The following SLC19A2 variants were observed in gnomAD, a reference collection of about 807,000 sequenced individuals.
SLC19A2 encodes thiamine transporter 1.
A neutral mutation model predicts 44.7 loss-of-function variants in SLC19A2; 27 were observed. The ratio of observed to expected loss-of-function variants is 0.60; its 90% CI spans 0.45 to 0.83. SLC19A2 has a LOEUF of 0.83. Among genes scored for constraint, SLC19A2 ranks in the 40% least tolerant of loss-of-function variants. SLC19A2 has a pLI of 0.00. For missense variants in SLC19A2, 566 were observed against 613.7 expected (o/e 0.92, Z 0.82); for synonymous variants, 239 against 243.6 (o/e 0.98, Z 0.18).
intron 5 of SLC19A2, among the ~76,000 whole-genome samples, chr1:169,467,357 G>T (rs1658016061): frequency 6.6e-6 from 1 of 152,176 alleles, no homozygotes; most frequent in Non-Finnish European, 1.5e-5. Flanking sequence ...TTGACACGTA[G>T]AGGCACTCAA....
rs902908738 is a variant in SLC19A2, at chr1:169,465,703, C to T, written c.*146G>A. On this transcript the variant is annotated 3_prime_UTR_variant, in exon 6 of 6. Coordinates refer to ENST00000236137, the MANE Select transcript of SLC19A2 (RefSeq NM_006996.3). ...CCTCTGAATAGTATCATGTTATTCCCGGAACACAAGGTATTAGTCAAGTGG... is the reference window on the plus strand; with the variant it reads ...CCTCTGAATAGTATCATGTTATTCCTGGAACACAAGGTATTAGTCAAGTGG... The T allele has an allele frequency of 2.5e-5, 20 of 814,920 alleles. No individual in the cohort carries two copies. The highest frequency in any genetic ancestry group is 5.8e-5 in the South Asian group (4 of 68,584). The allele number at this position is 814,920 out of a possible 1,614,324, so 50.5% of individuals were successfully genotyped here.
At chr1:169,478,374 G>A (rs1465836130) in intron 1 of SLC19A2, among the ~76,000 whole-genome samples, 1 of 147,666 alleles carries the variant, frequency 6.8e-6, no homozygotes, top group African/African-American at 2.5e-5. Flanking sequence ...GTTTTTTTGA[G>A]ACAGGGTCTC....
chr1:169,485,439 A>G (rs1250404729), intron 1 of SLC19A2, 124 bp downstream of exon 1: 7 of 1,116,486 alleles, frequency 6.3e-6, no homozygotes, highest in Non-Finnish European at 9.2e-6. Context: ...CCGACCTCCA[A>G]CTGGCAAAAT....
In SLC19A2 at chr1:169,469,936, C is replaced by T. The variant is rs17847482; in HGVS notation, c.1030+28G>A. 2.2e-4 allele frequency: 347 copies of T among 1,597,908 alleles called. No homozygotes were observed. The East Asian group carries it at 2.8e-3, about 13-fold the overall frequency. Reference sequence around the variant, plus strand: ...TACCAGAGGAATCCCTCCCCCACCACGACCCTCTATTATCCTGCATTGCTT... The same window carrying T: ...TACCAGAGGAATCCCTCCCCCACCATGACCCTCTATTATCCTGCATTGCTT... On this transcript the variant is annotated intron_variant, in intron 3 of 5. Transcript: ENST00000236137.
At chr1:169,476,580 T>C (rs773715106) in intron 2 of SLC19A2, among the ~76,000 whole-genome samples, 1 of 151,984 alleles carries the variant, frequency 6.6e-6, no homozygotes, top group Non-Finnish European at 1.5e-5. Context: ...TAGCTGGGCG[T>C]GGTGGCGAGC....
At chr1:169,466,597 T>C (rs891341756) in intron 5 of SLC19A2, among the ~76,000 whole-genome samples, 1 of 152,036 alleles carries the variant, frequency 6.6e-6, no homozygotes, top group African/African-American at 2.4e-5. Context: ...ACGTGTGCCA[T>C]GGTGGTTTGC....
chr1:169,474,927 C>T (rs979049548), intron 2 of SLC19A2, among the ~76,000 whole-genome samples: 10 of 151,880 alleles, frequency 6.6e-5, no homozygotes, highest in Non-Finnish European at 1.5e-4. Flanking sequence ...ATTGTTACCC[C>T]AGTTAAAAGA....
In SLC19A2 at chr1:169,478,213, A is replaced by G. The variant is rs938612729; in HGVS notation, c.205-456T>C. On this transcript the variant is annotated intron_variant, in intron 1 of 5. Coordinates refer to ENST00000236137, the MANE Select transcript of SLC19A2 (RefSeq NM_006996.3). ...CGCCCAGCCTGAAATATCCTTTCCT[A>G]TCCCCAATACCATCATCTTTTTCCT... is the stretch of plus-strand genomic sequence containing the variant. 2.6e-5 allele frequency among the ~76,000 whole-genome samples: 4 copies of G among 152,084 alleles called. 1 individual carries two copies. Among genetic ancestry groups the G allele is most frequent in the South Asian group, 4.1e-4 (2 of 4,826 alleles).
Position 169,465,786 on chromosome 1 carries a change from A to G in SLC19A2, c.*63T>C. The stretch of plus-strand genomic sequence containing the variant: ...ATATATGTCTACGCTTTAAAAAATC[A>G]AACACATCCAGGCAGTTGCTGTGCA... On this transcript the variant is annotated 3_prime_UTR_variant, in exon 6 of 6. Transcript: ENST00000236137. 1 of 1,583,928 alleles carries G rather than the reference A, an allele frequency of 6.3e-7. No individual in the cohort carries two copies. The highest frequency in any genetic ancestry group is 8.6e-7 in the Non-Finnish European group (1 of 1,157,218).
At position 169,465,021 on chromosome 1, in the gene SLC19A2, T is replaced by C. The variant is rs957084382; in HGVS notation, c.*828A>G. 2 of 152,224 alleles carry C rather than the reference T, an allele frequency of 1.3e-5. No homozygotes were observed. The highest frequency in any genetic ancestry group is 2.9e-5 in the Non-Finnish European group (2 of 68,032). 9.4% of individuals were successfully genotyped at this position (152,224 alleles called of 1,614,324 possible). The stretch of plus-strand genomic sequence containing the variant: ...ACATCTTTAGCCTATATATGAACTT[T>C]TAATCTTGGAATTAATAGTCCTTCA... On this transcript the variant is annotated 3_prime_UTR_variant, in exon 6 of 6. Coordinates refer to ENST00000236137, the MANE Select transcript of SLC19A2 (RefSeq NM_006996.3).
chr1:169,485,073 T>C (rs1436086993), intron 1 of SLC19A2, among the ~76,000 whole-genome samples: 2 of 152,186 alleles, frequency 1.3e-5, no homozygotes, highest in Admixed American at 1.3e-4. Context: ...GCCCACCCAT[T>C]CTGCCAAATG....
rs777760889 is a variant in SLC19A2 at position 169,477,530 on chromosome 1, A to G, written c.432T>C (p.Tyr144=). The G allele has an allele frequency of 1.9e-5, 31 of 1,614,082 alleles. No individual in the cohort carries two copies. The highest frequency in any genetic ancestry group is 2.6e-5 in the Non-Finnish European group (31 of 1,180,040). The change falls in exon 2 of 6, where the codon TAT becomes TAC. Residue 144 remains tyrosine, a synonymous_variant. Coordinates refer to ENST00000236137, the MANE Select transcript of SLC19A2 (RefSeq NM_006996.3). ...TGCCCAGGTCCACCACACTGTAGAT[A>G]TAAGAGTAATAGGCAATTTCAGTGG... is the stretch of plus-strand genomic sequence containing the variant. The part of the protein sequence containing the change: ...ATATEIAYYS[Y]IYSVVDLGMY...
Position 169,483,931 on chromosome 1 carries a change from G to T in SLC19A2, c.204+1632C>A, listed in dbSNP as rs537769499. On this transcript the variant is annotated intron_variant, in intron 1 of 5. Coordinates refer to ENST00000236137, the MANE Select transcript of SLC19A2 (RefSeq NM_006996.3). ...CAGAATCATACTTTCTCATATCAGT[G>T]CAGTAATTTTCTTGTAAAATCATTC... 2.6e-5 allele frequency among the ~76,000 whole-genome samples: 4 copies of T among 152,290 alleles called. No homozygotes were observed. The South Asian group carries it at 8.3e-4, about 32-fold the overall frequency.
In SLC19A2 at chr1:169,469,054, G is replaced by A. The variant is rs1156902311; in HGVS notation, c.1031-218C>T. The A allele has an allele frequency of 5.5e-6, 3 of 548,922 alleles. No individual in the cohort carries two copies. The African/African-American group carries it at 5.7e-5, about 10-fold the overall frequency. 34.0% of individuals were successfully genotyped at this position (548,922 alleles called of 1,614,324 possible). ...GATGACAGACTGAATTAGGAGAGGT[G>A]GCAATGAGATGAAAATGCAGGACAA... On this transcript the variant is annotated intron_variant, in intron 3 of 5. Coordinates refer to ENST00000236137, the MANE Select transcript of SLC19A2 (RefSeq NM_006996.3).
rs1436900449 is a variant in SLC19A2 at position 169,485,579 on chromosome 1, T to C, written c.188A>G (p.Asn63Ser). Residue 63 changes from asparagine to serine, a missense_variant, in exon 1 of 6, where the codon AAC becomes AGC. Transcript: ENST00000236137. ...LTPYLLGPDKNLTEREVFNEI... is the reference protein window; with the variant it reads ...LTPYLLGPDKSLTEREVFNEI... ...CGCGCGTACCTCCCTCTCGGTCAGG[T>C]TCTTGTCCGGCCCCAGCAGGTACGG... 1 of 1,586,720 alleles carries C rather than the reference T, an allele frequency of 6.3e-7. No individual in the cohort carries two copies. The highest frequency in any genetic ancestry group is 2.3e-5 in the East Asian group (1 of 43,136).
intron 2 of SLC19A2, among the ~76,000 whole-genome samples, chr1:169,471,890 A>AC (rs1447181454): frequency 1.3e-5 from 2 of 151,920 alleles, no homozygotes; most frequent in Middle Eastern, 3.4e-3. Flanking sequence ...TCCCAAAGCA[A>AC]CCCCAGTGTG....
chr1:169,470,268 T>A, intron 2 of SLC19A2, 82 bp from the exon 3 acceptor site: 1 of 1,144,280 alleles, frequency 8.7e-7, no homozygotes, highest in Non-Finnish European at 1.3e-6. Flanking sequence ...ATTACTTACC[T>A]AACAGACTTT....
intron 1 of SLC19A2, among the ~76,000 whole-genome samples, chr1:169,480,635 T>A (rs1318449240): frequency 6.6e-6 from 1 of 152,100 alleles, no homozygotes; most frequent in Admixed American, 6.6e-5. Flanking sequence ...GCCTCCTCTG[T>A]TTGACTAAGT....
chr1:169,468,861 A>T (rs745941881), intron 3 of SLC19A2, 25 bp from the exon 4 acceptor site: 77 of 1,606,796 alleles, frequency 4.8e-5, no homozygotes, highest in Non-Finnish European at 6.4e-5. Flanking sequence ...AAAAAAATCC[A>T]ATTATTTTGC....
Sources: allele counts gnomAD v4.1 joint callset (sites outside exome capture counted in the v4.1 genomes callset), GRCh38; gene constraint gnomAD v4.1.1; transcripts MANE v1.5; gene names NCBI Gene and HGNC (gene_info 2026-07-23, HGNC 2026-07-21).